KCNJ3: variants seen among roughly 807,000 people sequenced by gnomAD.
KCNJ3 encodes G protein-activated inward rectifier potassium channel 1.
A neutral mutation model predicts 39.2 loss-of-function variants in KCNJ3; 4 were observed. The ratio of observed to expected loss-of-function variants is 0.10; its 90% CI spans 0.05 to 0.23. The LOEUF (loss-of-function observed/expected upper bound fraction) is 0.23. KCNJ3 is among the 10% of genes least tolerant of loss of function. The pLI, the probability that KCNJ3 is intolerant of heterozygous loss-of-function variation, is 1.00. For synonymous variants in KCNJ3, 230 were observed against 237.4 expected (o/e 0.97, Z 0.29); for missense variants, 276 against 634.9 (o/e 0.43, Z 6.08).
At chr2:154,781,946 C>G (rs1343611240) in intron 2 of KCNJ3, among the ~76,000 whole-genome samples, 2 of 152,126 alleles carry the variant, frequency 1.3e-5, no homozygotes, top group Non-Finnish European at 2.9e-5. Flanking sequence ...TCTCTAAGTT[C>G]AGTGGTTTTG....
At chr2:154,772,595 T>C (rs1686261493) in intron 2 of KCNJ3, among the ~76,000 whole-genome samples, 1 of 152,154 alleles carries the variant, frequency 6.6e-6, no homozygotes, top group African/African-American at 2.4e-5. Context: ...TTTTAACCTT[T>C]TACTTTCCAT....
chr2:154,717,060 A>G (rs6705736), intron 2 of KCNJ3, among the ~76,000 whole-genome samples: 32,376 of 152,148 alleles, frequency 0.21, 4,428 homozygotes, highest in Non-Finnish European at 0.3. Flanking sequence ...TCCCTAATGG[A>G]TTTCTTCCAA....
rs181297458 is a variant in KCNJ3 at position 154,793,160 on chromosome 2, G to A, written c.920-61567G>A. Among the ~76,000 whole-genome samples, 7 of 152,164 alleles carry A rather than the reference G, an allele frequency of 4.6e-5. No individual in the cohort carries two copies. The East Asian group carries it at 1.2e-3, about 25-fold the overall frequency. ...AGACTTCAAGATTTTGTGGAAATAAGTGGGTTCATGGAAAGTGCAAGCATA... is the reference window on the plus strand; with the variant it reads ...AGACTTCAAGATTTTGTGGAAATAAATGGGTTCATGGAAAGTGCAAGCATA... On this transcript the variant is annotated intron_variant, in intron 2 of 2. Transcript: ENST00000295101.
chr2:154,710,690 A>G (rs1685090429), intron 2 of KCNJ3, among the ~76,000 whole-genome samples: 1 of 152,126 alleles, frequency 6.6e-6, no homozygotes, highest in African/African-American at 2.4e-5. Context: ...AGAAGACAAT[A>G]AATATTTTAG....
At chr2:154,702,742 T>C (rs1396009548) in intron 1 of KCNJ3, among the ~76,000 whole-genome samples, 1 of 152,010 alleles carries the variant, frequency 6.6e-6, no homozygotes, top group African/African-American at 2.4e-5. Flanking sequence ...GGCTATAGTT[T>C]GAAGTTCCTC....
intron 2 of KCNJ3, among the ~76,000 whole-genome samples, chr2:154,731,736 TTTGTA>T (rs1685452068): frequency 6.6e-6 from 1 of 151,988 alleles, no homozygotes; most frequent in Admixed American, 6.6e-5. Flanking sequence ...AGACACAGTT[TTTGTA>T]TTCAGTACTT....
rs890465656 is a variant in KCNJ3, at chr2:154,714,383, A to G, written c.919+4564A>G. 3.3e-5 allele frequency among the ~76,000 whole-genome samples: 5 copies of G among 152,072 alleles called. No individual in the cohort carries two copies. The South Asian group carries it at 6.2e-4, about 19-fold the overall frequency. ...TCTCTTTATATTTTTCAATTGTTCC[A>G]TATATCCTACATCCCTGCTTCTTCC... On this transcript the variant is annotated intron_variant, in intron 2 of 2. Transcript: ENST00000295101.
Position 154,769,581 on chromosome 2 carries a change from C to T in KCNJ3, c.919+59762C>T, listed in dbSNP as rs191772217. 2.2e-3 allele frequency among the ~76,000 whole-genome samples: 336 copies of T among 152,160 alleles called. 2 individuals are homozygous for T. Among genetic ancestry groups the T allele is most frequent in the African/African-American group, 7.8e-3 (325 of 41,522 alleles). ...AAGCTTTTTGATGTGCTGCTGGATT[C>T]GGTTTGCCAGTATTTTATTGAGGTT... On this transcript the variant is annotated intron_variant, in intron 2 of 2. Coordinates refer to ENST00000295101, the MANE Select transcript of KCNJ3 (RefSeq NM_002239.4).
intron 2 of KCNJ3, among the ~76,000 whole-genome samples, chr2:154,717,619 C>T (rs1177667233): frequency 3.9e-5 from 6 of 152,000 alleles, no homozygotes; most frequent in African/African-American, 7.2e-5. Flanking sequence ...CTTAAAAATC[C>T]AAGACACCCA....
At chr2:154,823,410 T>A (rs1227260623) in intron 2 of KCNJ3, among the ~76,000 whole-genome samples, 2 of 150,784 alleles carry the variant, frequency 1.3e-5, no homozygotes, top group African/African-American at 4.8e-5. Context: ...CACATTCTTT[T>A]TTTTTTTTTT....
intron 2 of KCNJ3, among the ~76,000 whole-genome samples, chr2:154,802,369 G>A (rs974822993): frequency 2.0e-5 from 3 of 151,796 alleles, no homozygotes; most frequent in Admixed American, 6.6e-5. Context: ...CAGTATTATC[G>A]TTTCCTGATA....
In KCNJ3 at chr2:154,749,922, A is replaced by G. The variant is rs143776858; in HGVS notation, c.919+40103A>G. ...CTGAATAATTCATAACAATCTCCCT[A>G]TCTCCAAACTAGCTGATTAGTGACC... is the stretch of plus-strand genomic sequence containing the variant. On this transcript the variant is annotated intron_variant, in intron 2 of 2. Coordinates refer to ENST00000295101, the MANE Select transcript of KCNJ3 (RefSeq NM_002239.4). 3.7e-3 allele frequency among the ~76,000 whole-genome samples: 568 copies of G among 151,970 alleles called. 2 individuals carry two copies. Among genetic ancestry groups the G allele is most frequent in the African/African-American group, 0.013 (531 of 41,494 alleles).
intron 2 of KCNJ3, among the ~76,000 whole-genome samples, chr2:154,710,326 G>A (rs574097180): frequency 4.6e-5 from 7 of 152,154 alleles, no homozygotes; most frequent in African/African-American, 1.2e-4. Flanking sequence ...TTTTAATATC[G>A]AAGTGGGTCA....
chr2:154,814,823 C>T (rs1330331768), intron 2 of KCNJ3, among the ~76,000 whole-genome samples: 2 of 152,062 alleles, frequency 1.3e-5, no homozygotes, highest in African/African-American at 4.8e-5. Context: ...ACTTTATATG[C>T]ATTATTATGA....
chr2:154,700,919 A>G (rs1385569156), intron 1 of KCNJ3, among the ~76,000 whole-genome samples: 2 of 152,192 alleles, frequency 1.3e-5, no homozygotes. Flanking sequence ...GAAAATTATC[A>G]ACCTGGTTCT....
intron 2 of KCNJ3, among the ~76,000 whole-genome samples, chr2:154,758,171 T>C (rs891105783): frequency 2.0e-5 from 3 of 152,162 alleles, no homozygotes; most frequent in Admixed American, 2.0e-4. Context: ...GTAGGGCTTT[T>C]GGTGGGGAAT....
At chr2:154,739,789 A>C (rs1209089078) in intron 2 of KCNJ3, among the ~76,000 whole-genome samples, 2 of 152,048 alleles carry the variant, frequency 1.3e-5, no homozygotes, top group Non-Finnish European at 2.9e-5. Context: ...ACAGAAGAGT[A>C]CTCAGGCTAA....
chr2:154,803,668 T>A (rs977322587), intron 2 of KCNJ3, among the ~76,000 whole-genome samples: 1 of 152,142 alleles, frequency 6.6e-6, no homozygotes, highest in South Asian at 2.1e-4. Flanking sequence ...TGATGGTATG[T>A]TGACATTTAT....
At chr2:154,702,674 G>A (rs536013897) in intron 1 of KCNJ3, among the ~76,000 whole-genome samples, 39 of 151,912 alleles carry the variant, frequency 2.6e-4, no homozygotes, top group African/African-American at 9.4e-4. Context: ...TTTATGCCTG[G>A]AGGGGTCAGT....
Sources: gnomAD v4.1 joint callset for allele counts (sites outside exome capture counted in the v4.1 genomes callset) on GRCh38, gnomAD v4.1.1 for gene constraint, MANE v1.5 for transcripts, NCBI Gene and HGNC (gene_info 2026-07-23, HGNC 2026-07-21) for gene names.